The following NRXN3 variants were observed in gnomAD, a reference collection of about 807,000 sequenced individuals.
The protein encoded by NRXN3 is neurexin 3.
A neutral mutation model predicts 137.6 loss-of-function variants in NRXN3; 32 were observed. That is an observed-to-expected ratio of 0.23 (90% CI 0.18 to 0.31). NRXN3 has a LOEUF of 0.31. Ranked by LOEUF, NRXN3 falls within the 10% of genes least tolerant of loss-of-function variation. The pLI, the probability that NRXN3 is intolerant of heterozygous loss-of-function variation, is 1.00. For missense variants in NRXN3, 1,574 were observed against 2,062.5 expected (o/e 0.76, Z 4.59); for synonymous variants, 798 against 784.5 (o/e 1.02, Z -0.29).
chr14:79,687,544 T>C (rs1438810279), intron 17 of NRXN3, among the ~76,000 whole-genome samples: 1 of 152,220 alleles, frequency 6.6e-6, no homozygotes, highest in Non-Finnish European at 1.5e-5. Context: ...ACCCACAGTC[T>C]GATTTTTTAG....
At chr14:78,328,447 G>A (rs866744912) in intron 4 of NRXN3, among the ~76,000 whole-genome samples, 4 of 152,066 alleles carry the variant, frequency 2.6e-5, no homozygotes, top group South Asian at 4.1e-4. Context: ...ACTATTTGAC[G>A]CAATAGAATT....
intron 4 of NRXN3, among the ~76,000 whole-genome samples, chr14:78,534,017 C>G (rs1398608164): frequency 1.3e-5 from 2 of 152,100 alleles, no homozygotes; most frequent in Non-Finnish European, 2.9e-5. Context: ...CAGGCTTTTC[C>G]CCATTAAGTA....
At chr14:78,653,057 T>C (rs991750700) in intron 6 of NRXN3, among the ~76,000 whole-genome samples, 9 of 152,144 alleles carry the variant, frequency 5.9e-5, no homozygotes, top group Admixed American at 5.2e-4. Context: ...GAGGAAGGGG[T>C]AGAAAAGAGA....
intron 15 of NRXN3, among the ~76,000 whole-genome samples, chr14:79,237,706 C>A (rs1024897503): frequency 6.6e-6 from 1 of 152,034 alleles, no homozygotes; most frequent in African/African-American, 2.4e-5. Flanking sequence ...ACTCATCCAC[C>A]CTACCCTGGA....
intron 15 of NRXN3, among the ~76,000 whole-genome samples, chr14:79,134,286 TC>T (rs1488745624): frequency 6.6e-6 from 1 of 152,232 alleles, no homozygotes; most frequent in Non-Finnish European, 1.5e-5. Context: ...ACTTTATTTT[TC>T]CCTATAGTCT....
intron 6 of NRXN3, among the ~76,000 whole-genome samples, chr14:78,674,905 C>G (rs757329230): frequency 6.6e-5 from 10 of 152,178 alleles, no homozygotes; most frequent in Non-Finnish European, 1.5e-4. Context: ...GCAAGGCTCT[C>G]TGTACTTAAG....
chr14:79,658,096 T>C (rs1284381658), intron 16 of NRXN3, among the ~76,000 whole-genome samples: 1 of 152,192 alleles, frequency 6.6e-6, no homozygotes, highest in Non-Finnish European at 1.5e-5. Context: ...ATGTAACACA[T>C]GTATTTCTGT....
At chr14:78,855,649 A>G (rs1359559990) in intron 10 of NRXN3, among the ~76,000 whole-genome samples, 1 of 152,222 alleles carries the variant, frequency 6.6e-6, no homozygotes, top group Non-Finnish European at 1.5e-5. Context: ...ACCCAGAGGC[A>G]ATGAATGCTA....
At chr14:79,596,894 C>T (rs888466236) in intron 16 of NRXN3, among the ~76,000 whole-genome samples, 1 of 152,094 alleles carries the variant, frequency 6.6e-6, no homozygotes, top group Non-Finnish European at 1.5e-5. Flanking sequence ...TCCAAGATAG[C>T]CATGCTCCCG....
intron 15 of NRXN3, among the ~76,000 whole-genome samples, chr14:79,073,094 C>T (rs187204384): frequency 1.1e-3 from 171 of 152,138 alleles, no homozygotes; most frequent in African/African-American, 3.8e-3. Flanking sequence ...ACCATCTTGA[C>T]CAGGCTGGTC....
intron 4 of NRXN3, among the ~76,000 whole-genome samples, chr14:78,377,048 A>C (rs1052102183): frequency 2.6e-5 from 4 of 152,238 alleles, no homozygotes; most frequent in African/African-American, 9.6e-5. Context: ...AAATAAAAGA[A>C]ATAGTAGACT....
chr14:78,281,661 G>A (rs1293896375), intron 3 of NRXN3, among the ~76,000 whole-genome samples: 1 of 152,154 alleles, frequency 6.6e-6, no homozygotes, highest in Admixed American at 6.5e-5. Flanking sequence ...CACTTGGCAG[G>A]TGCTGAAGAG....
chr14:79,090,148 A>C (rs1226150734), intron 15 of NRXN3, among the ~76,000 whole-genome samples: 1 of 152,152 alleles, frequency 6.6e-6, no homozygotes, highest in Non-Finnish European at 1.5e-5. Context: ...AATAATAAGA[A>C]ATGTTGGCTA....
At chr14:79,776,694 A>G (rs1043840196) in intron 19 of NRXN3, among the ~76,000 whole-genome samples, 3 of 152,202 alleles carry the variant, frequency 2.0e-5, no homozygotes, top group African/African-American at 4.8e-5. Flanking sequence ...CTGTTAGGTA[A>G]CTGAGAAGAC....
At chr14:78,306,940 A>G (rs2077425883) in intron 4 of NRXN3, among the ~76,000 whole-genome samples, 1 of 152,166 alleles carries the variant, frequency 6.6e-6, no homozygotes, top group Non-Finnish European at 1.5e-5. Context: ...TTCCTCAAGT[A>G]AAAAGCCTTA....
At chr14:78,747,440 A>C (rs2098615119) in intron 8 of NRXN3, among the ~76,000 whole-genome samples, 1 of 152,234 alleles carries the variant, frequency 6.6e-6, no homozygotes, top group Admixed American at 6.5e-5. Flanking sequence ...GATAACTGGT[A>C]AATAGTGAAA....
chr14:79,263,268 G>A (rs1209638703), intron 15 of NRXN3, among the ~76,000 whole-genome samples: 1 of 152,056 alleles, frequency 6.6e-6, no homozygotes, highest in Non-Finnish European at 1.5e-5. Flanking sequence ...GCAAATATTG[G>A]CATATTTCTT....
At chr14:78,665,298 G>A (rs2097874872) in intron 6 of NRXN3, among the ~76,000 whole-genome samples, 1 of 152,146 alleles carries the variant, frequency 6.6e-6, no homozygotes, top group Non-Finnish European at 1.5e-5. Flanking sequence ...GGCTGAGGAG[G>A]CCTCAGGAAA....
chr14:78,352,515 C>T (rs901388398), intron 4 of NRXN3, among the ~76,000 whole-genome samples: 2 of 152,108 alleles, frequency 1.3e-5, no homozygotes, highest in East Asian at 3.9e-4. Context: ...CCACCATGAC[C>T]CCTGGTTGAA....
Sources: gnomAD v4.1 joint callset for allele counts (sites outside exome capture counted in the v4.1 genomes callset) on GRCh38, gnomAD v4.1.1 for gene constraint, MANE v1.5 for transcripts, NCBI Gene and HGNC (gene_info 2026-07-23, HGNC 2026-07-21) for gene names.